The following MMP16 variants were observed in gnomAD, a reference collection of about 807,000 sequenced individuals.
MMP16 encodes the protein matrix metallopeptidase 16.
MMP16 carries 12 observed loss-of-function variants against 67.8 expected under a neutral mutation model. That is an observed-to-expected ratio of 0.18 (90% CI 0.11 to 0.29). MMP16 has a LOEUF of 0.29. MMP16 is among the 10% of genes least tolerant of loss of function. MMP16 has a pLI of 1.00. For missense variants in MMP16, 475 were observed against 765.7 expected (o/e 0.62, Z 4.48); for synonymous variants, 249 against 255.9 (o/e 0.97, Z 0.26).
Position 88,277,189 on chromosome 8 carries a change from C to T in MMP16, c.132+49886G>A, listed in dbSNP as rs1166501014. ...AACTTTTACATATTAATTGTTATTT[C>T]CATTTCAAAACATTTGGAATTCCGA... On this transcript the variant is annotated intron_variant, in intron 1 of 9. Coordinates refer to ENST00000286614, the MANE Select transcript of MMP16 (RefSeq NM_005941.5). 2.6e-5 allele frequency among the ~76,000 whole-genome samples: 4 copies of T among 152,092 alleles called. No individual in the cohort carries two copies. The South Asian group carries it at 8.3e-4, about 32-fold the overall frequency.
At chr8:88,080,223 A>T (rs1808722650) in intron 6 of MMP16, among the ~76,000 whole-genome samples, 2 of 152,064 alleles carry the variant, frequency 1.3e-5, no homozygotes, top group African/African-American at 4.8e-5. Context: ...AGATCTCCCA[A>T]TTTTTTTCAC....
At chr8:88,112,378 A>G (rs1903836) in intron 6 of MMP16, among the ~76,000 whole-genome samples, 28,897 of 151,538 alleles carry the variant, frequency 0.19, 3,092 homozygotes, top group Middle Eastern at 0.26. Context: ...CAAAATAACT[A>G]AAATATTCAA....
intron 3 of MMP16, among the ~76,000 whole-genome samples, chr8:88,169,595 T>G (rs1393872124): frequency 6.6e-6 from 1 of 152,202 alleles, no homozygotes; most frequent in East Asian, 1.9e-4. Flanking sequence ...TAGATTATAT[T>G]TACATTGATT....
chr8:88,085,222 AAAAGT>A (rs1350639738), intron 6 of MMP16, among the ~76,000 whole-genome samples: 1 of 152,072 alleles, frequency 6.6e-6, no homozygotes, highest in Non-Finnish European at 1.5e-5. Flanking sequence ...TTGGAAAAGA[AAAAGT>A]AAAGTCATAA....
intron 6 of MMP16, among the ~76,000 whole-genome samples, chr8:88,109,140 C>A (rs914715818): frequency 6.6e-6 from 1 of 151,206 alleles, no homozygotes; most frequent in African/African-American, 2.4e-5. Context: ...GTGCCAGGTT[C>A]TTCTAGTTAA....
chr8:88,210,672 A>C (rs1012866256), intron 1 of MMP16, among the ~76,000 whole-genome samples: 1 of 152,162 alleles, frequency 6.6e-6, no homozygotes, highest in African/African-American at 2.4e-5. Flanking sequence ...TCTAGGAAAT[A>C]TACAGCAAGG....
At chr8:88,127,775 T>C (rs1183902763) in intron 4 of MMP16, among the ~76,000 whole-genome samples, 1 of 151,880 alleles carries the variant, frequency 6.6e-6, no homozygotes, top group Non-Finnish European at 1.5e-5. Context: ...AATGAATAAT[T>C]AGCAGGAAAT....
intron 4 of MMP16, among the ~76,000 whole-genome samples, chr8:88,158,331 CTGT>C (rs1453113032): frequency 1.3e-5 from 2 of 152,144 alleles, no homozygotes; most frequent in Non-Finnish European, 2.9e-5. Context: ...TCTCCAGCAC[CTGT>C]TGTTTCCTGA....
chr8:88,230,132 T>C (rs1363791630), intron 1 of MMP16, among the ~76,000 whole-genome samples: 3 of 152,020 alleles, frequency 2.0e-5, no homozygotes, highest in Non-Finnish European at 4.4e-5. Context: ...AGGACAAGGA[T>C]TCTCGAACTT....
chr8:88,059,202 C>A (rs976939740), intron 7 of MMP16, among the ~76,000 whole-genome samples: 1 of 151,918 alleles, frequency 6.6e-6, no homozygotes, highest in African/African-American at 2.4e-5. Context: ...TTGAGATTAT[C>A]CTGGGATGAG....
At chr8:88,177,631 T>G (rs1387003629) in intron 3 of MMP16, among the ~76,000 whole-genome samples, 3 of 152,204 alleles carry the variant, frequency 2.0e-5, no homozygotes, top group African/African-American at 7.2e-5. Flanking sequence ...AATAATGCCA[T>G]GAGTATTCTA....
chr8:88,158,576 G>A (rs1808556156), intron 4 of MMP16, among the ~76,000 whole-genome samples: 1 of 152,196 alleles, frequency 6.6e-6, no homozygotes, highest in Non-Finnish European at 1.5e-5. Flanking sequence ...CCCTTTGTCA[G>A]ATGGGTAGAT....
rs1423913662 is a variant in MMP16, at chr8:88,034,397, G to C, written c.*7064C>G. 2 of 152,370 alleles carry C rather than the reference G, an allele frequency of 1.3e-5. No homozygotes were observed. Among genetic ancestry groups the C allele is most frequent in the Non-Finnish European group, 2.9e-5 (2 of 67,938 alleles). The allele number at this position is 152,370 out of a possible 1,614,324, so 9.4% of individuals were successfully genotyped here. A position where few individuals can be genotyped will look rare whatever the true frequency, so the allele number is the denominator to read the frequency against. On this transcript the variant is annotated 3_prime_UTR_variant, in exon 10 of 10. Coordinates refer to ENST00000286614, the MANE Select transcript of MMP16 (RefSeq NM_005941.5). ...TAACGATCTTAGAATTGGAGGAGCA[G>C]AAAAACCAGGCACACATACCCTTGC...
intron 1 of MMP16, among the ~76,000 whole-genome samples, chr8:88,224,550 T>C (rs1311864099): frequency 6.6e-6 from 1 of 151,956 alleles, no homozygotes; most frequent in Admixed American, 6.6e-5. Flanking sequence ...AAACTACTAG[T>C]TACTACATAA....
chr8:88,053,515 T>C (rs1808295251), intron 8 of MMP16, among the ~76,000 whole-genome samples: 1 of 152,196 alleles, frequency 6.6e-6, no homozygotes, highest in African/African-American at 2.4e-5. Flanking sequence ...TCCTTTTTGC[T>C]CTTAGCCTTA....
chr8:88,127,070 T>C (rs1807945125), intron 4 of MMP16, among the ~76,000 whole-genome samples: 1 of 151,862 alleles, frequency 6.6e-6, no homozygotes, highest in Admixed American at 6.6e-5. Flanking sequence ...GGCTGTTATG[T>C]GCCAGAACAG....
rs544446128 is a variant in MMP16 at position 88,291,451 on chromosome 8, T to C, written c.132+35624A>G. On this transcript the variant is annotated intron_variant, in intron 1 of 9. Transcript: ENST00000286614. Reference sequence around the variant, plus strand: ...TACCAGAAACTGCAGGGAGCTATAATGAGAGAAGAAAACTAGAAAGATCCT... The same window carrying C: ...TACCAGAAACTGCAGGGAGCTATAACGAGAGAAGAAAACTAGAAAGATCCT... Among the ~76,000 whole-genome samples, 14 of 152,316 alleles carry C rather than the reference T, an allele frequency of 9.2e-5. No individual in the cohort carries two copies. The East Asian group carries it at 2.5e-3, about 27-fold the overall frequency.
intron 1 of MMP16, among the ~76,000 whole-genome samples, chr8:88,222,530 G>A (rs1809699873): frequency 6.6e-6 from 1 of 152,064 alleles, no homozygotes; most frequent in Non-Finnish European, 1.5e-5. Flanking sequence ...AGAGCCCTCA[G>A]AAATAACACC....
intron 1 of MMP16, among the ~76,000 whole-genome samples, chr8:88,213,991 C>T (rs1338724970): frequency 6.6e-6 from 1 of 152,132 alleles, no homozygotes; most frequent in Non-Finnish European, 1.5e-5. Context: ...TTCAACCTCT[C>T]TGATTCTAAC....
Sources: allele counts gnomAD v4.1 joint callset (sites outside exome capture counted in the v4.1 genomes callset), GRCh38; gene constraint gnomAD v4.1.1; transcripts MANE v1.5; gene names NCBI Gene and HGNC (gene_info 2026-07-23, HGNC 2026-07-21).